MSRA: variants seen among roughly 807,000 people sequenced by gnomAD.
MSRA encodes the protein methionine sulfoxide reductase A, also known as mitochondrial peptide methionine sulfoxide reductase.
In MSRA, 54 loss-of-function variants were observed where a neutral mutation model predicts 31.3. The ratio of observed to expected loss-of-function variants is 1.73; its 90% CI spans 1.39 to 2.17. The LOEUF (loss-of-function observed/expected upper bound fraction) is 2.17, where lower values mean the gene tolerates loss of function less well. Among genes scored for constraint, MSRA ranks in the 30% most tolerant of loss-of-function variants. MSRA has a pLI of 0.00. For synonymous variants in MSRA, 169 were observed against 116.5 expected (o/e 1.45, Z -2.90); for missense variants, 507 against 300.9 (o/e 1.69, Z -5.07).
intron 5 of MSRA, among the ~76,000 whole-genome samples, chr8:10,370,662 CT>C (rs1453231998): frequency 1.3e-5 from 2 of 152,244 alleles, no homozygotes; most frequent in Admixed American, 6.5e-5. Flanking sequence ...GGGCCAACCA[CT>C]TTGCTCTCCT....
chr8:10,284,702 T>G (rs1172183353), intron 3 of MSRA, among the ~76,000 whole-genome samples: 1 of 152,058 alleles, frequency 6.6e-6, no homozygotes, highest in Non-Finnish European at 1.5e-5. Flanking sequence ...ATTATGGAGG[T>G]CTGGGTTCTG....
At chr8:10,107,736 T>C (rs1301642254) in intron 1 of MSRA, among the ~76,000 whole-genome samples, 1 of 152,234 alleles carries the variant, frequency 6.6e-6, no homozygotes, top group Non-Finnish European at 1.5e-5. Flanking sequence ...GAGCTTGTTA[T>C]GGAACAGAGT....
At chr8:10,106,069 A>G (rs533184013) in intron 1 of MSRA, among the ~76,000 whole-genome samples, 57 of 152,350 alleles carry the variant, frequency 3.7e-4, no homozygotes, top group African/African-American at 1.3e-3. Context: ...TGGTTGTTCA[A>G]ACATTTGGCA....
At chr8:10,079,128 G>C (rs895854399) in intron 1 of MSRA, among the ~76,000 whole-genome samples, 2 of 152,118 alleles carry the variant, frequency 1.3e-5, no homozygotes, top group African/African-American at 2.4e-5. Context: ...AACCAGGTGA[G>C]AGATAGCACC....
intron 1 of MSRA, among the ~76,000 whole-genome samples, chr8:10,182,646 T>G (rs759262733): frequency 8.5e-5 from 13 of 152,198 alleles, no homozygotes; most frequent in Non-Finnish European, 1.9e-4. Context: ...ATGCGGTGTG[T>G]GATCATCACA....
At chr8:10,148,561 C>T (rs967861503) in intron 1 of MSRA, among the ~76,000 whole-genome samples, 1 of 151,652 alleles carries the variant, frequency 6.6e-6, no homozygotes, top group Admixed American at 6.6e-5. Flanking sequence ...GCAGGAGAAT[C>T]TCTTGAACCT....
chr8:10,185,866 G>A (rs1360864225), intron 1 of MSRA, among the ~76,000 whole-genome samples: 1 of 151,822 alleles, frequency 6.6e-6, no homozygotes, highest in East Asian at 1.9e-4. Context: ...TCTCACAACA[G>A]CTCCATAAGA....
chr8:10,193,372 G>C (rs1314417097), intron 1 of MSRA, among the ~76,000 whole-genome samples: 1 of 152,184 alleles, frequency 6.6e-6, no homozygotes. Flanking sequence ...CGCCTCCTCT[G>C]TCTCCCCTGT....
chr8:10,288,759 G>A (rs1800071978), intron 3 of MSRA, among the ~76,000 whole-genome samples: 1 of 152,176 alleles, frequency 6.6e-6, no homozygotes, highest in African/African-American at 2.4e-5. Context: ...GAGCAATCCT[G>A]CCACATCCTT....
At chr8:10,159,321 GGT>G (rs1332068617) in intron 1 of MSRA, among the ~76,000 whole-genome samples, 6 of 152,266 alleles carry the variant, frequency 3.9e-5, no homozygotes, top group African/African-American at 1.2e-4. Flanking sequence ...GATCTGGAGG[GGT>G]TGAGTTTGCA....
At chr8:10,246,397 G>A (rs749830606) in intron 3 of MSRA, among the ~76,000 whole-genome samples, 3 of 152,168 alleles carry the variant, frequency 2.0e-5, no homozygotes, top group Admixed American at 6.5e-5. Context: ...AGCTCAGATA[G>A]CATTTGAAAT....
intron 5 of MSRA, among the ~76,000 whole-genome samples, chr8:10,410,849 A>G (rs1488510750): frequency 6.6e-6 from 1 of 152,202 alleles, no homozygotes; most frequent in African/African-American, 2.4e-5. Flanking sequence ...TTTAAATTGT[A>G]TAATTAGCTT....
intron 1 of MSRA, among the ~76,000 whole-genome samples, chr8:10,152,981 A>G (rs967674131): frequency 1.1e-4 from 16 of 152,190 alleles, no homozygotes; most frequent in African/African-American, 3.9e-4. Flanking sequence ...AGAAGGTAGA[A>G]CGGTGATTTC....
At chr8:10,278,881 A>G (rs1165699593) in intron 3 of MSRA, among the ~76,000 whole-genome samples, 6 of 152,144 alleles carry the variant, frequency 3.9e-5, no homozygotes, top group Admixed American at 1.3e-4. Flanking sequence ...AGTCTTTCAA[A>G]GATTTTTGGA....
intron 5 of MSRA, among the ~76,000 whole-genome samples, chr8:10,374,366 G>C (rs1805642000): frequency 6.6e-6 from 1 of 152,174 alleles, no homozygotes; most frequent in African/African-American, 2.4e-5. Context: ...GGACCTTGGT[G>C]CTGTACGGGA....
chr8:10,222,599 G>T (rs1007981935), intron 2 of MSRA, among the ~76,000 whole-genome samples: 1 of 152,162 alleles, frequency 6.6e-6, no homozygotes, highest in African/African-American at 2.4e-5. Context: ...ATGTCCATCA[G>T]TGGATGCATG....
chr8:10,251,592 C>G (rs931561014), intron 3 of MSRA, among the ~76,000 whole-genome samples: 2 of 152,232 alleles, frequency 1.3e-5, no homozygotes, highest in South Asian at 2.1e-4. Flanking sequence ...TTATCTCTCT[C>G]AAACCAAGAG....
intron 1 of MSRA, among the ~76,000 whole-genome samples, chr8:10,115,737 G>C (rs1304058711): frequency 6.6e-6 from 1 of 152,100 alleles, no homozygotes; most frequent in Non-Finnish European, 1.5e-5. Context: ...AATTTGAGGA[G>C]GATACACTGG....
intron 2 of MSRA, among the ~76,000 whole-genome samples, chr8:10,210,426 G>T (rs1165239863): frequency 6.6e-6 from 1 of 152,216 alleles, no homozygotes; most frequent in Non-Finnish European, 1.5e-5. Context: ...ACACACAAAA[G>T]TATGATCTGC....
Sources: allele counts gnomAD v4.1 joint callset (sites outside exome capture counted in the v4.1 genomes callset), GRCh38; gene constraint gnomAD v4.1.1; transcripts MANE v1.5; gene names NCBI Gene and HGNC (gene_info 2026-07-23, HGNC 2026-07-21).